Variants in SLC7A9 observed in about 807,000 individuals in gnomAD.
The protein encoded by SLC7A9 is solute carrier family 7 member 9.
A neutral mutation model predicts 54.1 loss-of-function variants in SLC7A9; 38 were observed. The ratio of observed to expected loss-of-function variants is 0.70; its 90% CI spans 0.54 to 0.92. SLC7A9 has a LOEUF of 0.92. Among genes scored for constraint, SLC7A9 ranks in the 40% least tolerant of loss-of-function variants. SLC7A9 has a pLI of 0.00. For missense variants in SLC7A9, 537 were observed against 636.1 expected (o/e 0.84, Z 1.68); for synonymous variants, 264 against 258.9 (o/e 1.02, Z -0.19).
At position 32,862,661 on chromosome 19, in the gene SLC7A9, ATTTTTTAT is replaced by A; in HGVS notation, c.479-83_479-76del. On this transcript the variant is annotated intron_variant, in intron 4 of 12. Coordinates refer to ENST00000023064, the MANE Select transcript of SLC7A9 (RefSeq NM_014270.5). Reference sequence around the variant, plus strand: ...GGAGAGAGTCTCCTTTCTTTTATATATTTTTTATTTTTTTTTTTTTTTGAGATGGAGTC... The same window carrying A: ...GGAGAGAGTCTCCTTTCTTTTATATATTTTTTTTTTTTTTGAGATGGAGTC... 4.7e-6 allele frequency: 6 copies of A among 1,283,330 alleles called. No homozygotes were observed. In the East Asian group the frequency reaches 8.7e-5, roughly 19 times the overall value. The allele number at this position is 1,283,330 out of a possible 1,614,324, so 79.5% of individuals were successfully genotyped here. A position where few individuals can be genotyped will look rare whatever the true frequency, so the allele number is the denominator to read the frequency against.
chr19:32,850,946 G>A (rs548503466), intron 9 of SLC7A9, among the ~76,000 whole-genome samples: 156 of 152,216 alleles, frequency 1.0e-3, no homozygotes, highest in African/African-American at 3.7e-3. Context: ...TTTAATAAAT[G>A]GTCCTGGGAA....
At chr19:32,830,958 G>GA (rs1242598779) in intron 12 of SLC7A9, among the ~76,000 whole-genome samples, 4 of 152,134 alleles carry the variant, frequency 2.6e-5, no homozygotes, top group Admixed American at 6.5e-5. Flanking sequence ...CTGAACAGGA[G>GA]AAACAGGCAG....
chr19:32,851,718 A>T (rs1050646300), intron 9 of SLC7A9, among the ~76,000 whole-genome samples: 1 of 152,220 alleles, frequency 6.6e-6, no homozygotes, highest in African/African-American at 2.4e-5. Flanking sequence ...AGGCACATGC[A>T]CACGTATGTT....
intron 3 of SLC7A9, 106 bp from the exon 4 acceptor site, chr19:32,864,444 G>T: frequency 6.4e-7 from 1 of 1,554,816 alleles, no homozygotes. Context: ...GGGGCCCACC[G>T]TGGTCCGCCC....
rs77577726 is a variant in SLC7A9, at chr19:32,842,021, G to A, written c.1224+147C>T. ...CTAACTGGATCATAAACTATGCTGT[G>A]AAGAGTAAACTCCACTCTAAAATAC... On this transcript the variant is annotated intron_variant, in intron 11 of 12. Transcript: ENST00000023064. 4,064 of 788,134 alleles carry A rather than the reference G, an allele frequency of 5.2e-3. 23 individuals carry two copies. Among genetic ancestry groups the A allele is most frequent in the Middle Eastern group, 6.2e-3 (25 of 4,014 alleles). 48.8% of individuals were successfully genotyped at this position (788,134 alleles called of 1,614,324 possible).
intron 9 of SLC7A9, among the ~76,000 whole-genome samples, chr19:32,844,354 C>T (rs1968218483): frequency 6.6e-6 from 1 of 152,154 alleles, no homozygotes; most frequent in South Asian, 2.1e-4. Context: ...CTATCTGAAG[C>T]TACATATTAA....
intron 2 of SLC7A9, among the ~76,000 whole-genome samples, chr19:32,865,590 AG>A (rs1275645438): frequency 6.6e-6 from 1 of 152,238 alleles, no homozygotes; most frequent in African/African-American, 2.4e-5. Context: ...ACAGGAATTC[AG>A]GGCTGGGGCC....
intron 11 of SLC7A9, among the ~76,000 whole-genome samples, chr19:32,840,574 C>T (rs557874612): frequency 1.2e-4 from 19 of 152,240 alleles, no homozygotes; most frequent in African/African-American, 4.6e-4. Flanking sequence ...GGAGCCCCTT[C>T]CCAGTTGAGA....
chr19:32,848,179 C>T (rs1447674981), intron 9 of SLC7A9, among the ~76,000 whole-genome samples: 1 of 152,220 alleles, frequency 6.6e-6, no homozygotes, highest in East Asian at 1.9e-4. Flanking sequence ...CAAATTCACA[C>T]ATAACAATAT....
chr19:32,830,756 G>T lies in SLC7A9; in HGVS notation c.1400-72C>A, dbSNP rs1040213918. 2.5e-6 allele frequency: 3 copies of T among 1,217,088 alleles called. No individual in the cohort carries two copies. In the African/African-American group the frequency reaches 4.5e-5, roughly 18 times the overall value. The allele number at this position is 1,217,088 out of a possible 1,614,324, so 75.4% of individuals were successfully genotyped here. A position where few individuals can be genotyped will look rare whatever the true frequency, so the allele number is the denominator to read the frequency against. ...GAAAGTTTCACTGGAGTTGTTGTGG[G>T]TGAGGGTGACATTGTTTTCAGTCTT... is the stretch of plus-strand genomic sequence containing the variant. On this transcript the variant is annotated intron_variant, in intron 12 of 12. Coordinates refer to ENST00000023064, the MANE Select transcript of SLC7A9 (RefSeq NM_014270.5).
At chr19:32,864,408 C>T in intron 3 of SLC7A9, 70 bp from the exon 4 acceptor site, 1 of 1,603,238 alleles carries the variant, frequency 6.2e-7, no homozygotes, top group Non-Finnish European at 8.5e-7. Flanking sequence ...GAGCCTTCCT[C>T]CCACCGGAGG....
At chr19:32,848,832 G>T (rs1002272707) in intron 9 of SLC7A9, among the ~76,000 whole-genome samples, 8 of 152,174 alleles carry the variant, frequency 5.3e-5, no homozygotes, top group African/African-American at 1.9e-4. Flanking sequence ...ATAACAAACT[G>T]TCTCTCAGAC....
rs145474583 is a variant in SLC7A9, at chr19:32,847,177, C to T, written c.978-3226G>A. Among the ~76,000 whole-genome samples the T allele has an allele frequency of 9.3e-3, 1,417 of 152,294 alleles. 28 individuals are homozygous for T. Among genetic ancestry groups the T allele is most frequent in the African/African-American group, 0.033 (1,353 of 41,564 alleles). The stretch of plus-strand genomic sequence containing the variant: ...CTCCCTCACCAGCAATGGAACAAAG[C>T]TGGACAGAGAATGACTTTGACGAGT... On this transcript the variant is annotated intron_variant, in intron 9 of 12. Transcript: ENST00000023064.
At chr19:32,835,493 A>T (rs1967930751) in intron 11 of SLC7A9, among the ~76,000 whole-genome samples, 1 of 152,240 alleles carries the variant, frequency 6.6e-6, no homozygotes, top group South Asian at 2.1e-4. Flanking sequence ...ACATGGAAGA[A>T]ATGAACAATT....
In SLC7A9 at chr19:32,830,693, A is replaced by C. The variant is rs1477461349; in HGVS notation, c.1400-9T>G. 1 of 1,612,658 alleles carries C rather than the reference A, an allele frequency of 6.2e-7. No individual in the cohort carries two copies. The highest frequency in any genetic ancestry group is 8.5e-7 in the Non-Finnish European group (1 of 1,178,662). ...GTGCATGGTAATCGGCTCTGAAATA[A>C]GAGTCAAAAATGAGTACAGTTAGTT... On this transcript the variant is annotated splice_polypyrimidine_tract_variant and intron_variant, in intron 12 of 12. Coordinates refer to ENST00000023064, the MANE Select transcript of SLC7A9 (RefSeq NM_014270.5).
At chr19:32,863,984 G>T in intron 4 of SLC7A9, 112 bp downstream of exon 4, 1 of 1,544,512 alleles carries the variant, frequency 6.5e-7, no homozygotes, top group Non-Finnish European at 8.9e-7. Context: ...CTGATGCCAG[G>T]CCCTGCCTGG....
At chr19:32,850,210 G>C (rs200266584) in intron 9 of SLC7A9, among the ~76,000 whole-genome samples, 32,995 of 148,590 alleles carry the variant, frequency 0.22, 3,948 homozygotes, top group African/African-American at 0.31. Flanking sequence ...GGAAATAAAA[G>C]ATATTCAATT....
At chr19:32,865,803 T>G (rs1183615570) in intron 2 of SLC7A9, among the ~76,000 whole-genome samples, 1 of 151,944 alleles carries the variant, frequency 6.6e-6, no homozygotes, top group East Asian at 1.9e-4. Flanking sequence ...AAACCCCGTT[T>G]CTACTAAAAA....
intron 10 of SLC7A9, among the ~76,000 whole-genome samples, chr19:32,843,254 C>T (rs1475462469): frequency 2.0e-5 from 3 of 151,962 alleles, no homozygotes; most frequent in African/African-American, 4.8e-5. Context: ...GCCAGGAGTT[C>T]AAGACCAGCC....
Sources: allele counts gnomAD v4.1 joint callset (sites outside exome capture counted in the v4.1 genomes callset), GRCh38; gene constraint gnomAD v4.1.1; transcripts MANE v1.5; gene names NCBI Gene and HGNC (gene_info 2026-07-23, HGNC 2026-07-21).